RYR3: variants seen among roughly 807,000 people sequenced by gnomAD.
The protein encoded by RYR3 is brain ryanodine receptor-calcium release channel.
A neutral mutation model predicts 584.3 loss-of-function variants in RYR3; 207 were observed. That is an observed-to-expected ratio of 0.35 (90% confidence interval 0.32 to 0.40). The LOEUF is 0.40. RYR3 is among the 10% of genes least tolerant of loss of function. The probability of loss-of-function intolerance (pLI) is 1.00; values close to 1 mark genes in which losing one functional copy is unlikely to be tolerated. For missense variants in RYR3, 5,616 were observed against 6,089.2 expected (o/e 0.92, Z 2.59); for synonymous variants, 2,416 against 2,248.5 (o/e 1.07, Z -2.11).
chr15:33,798,732 T>C (rs1203711672), intron 67 of RYR3, among the ~76,000 whole-genome samples: 2 of 152,204 alleles, frequency 1.3e-5, no homozygotes, highest in East Asian at 3.8e-4. Context: ...GAATGAATAT[T>C]GAGTAGACAA....
chr15:33,731,459 A>G lies in RYR3; in HGVS notation c.7204-15A>G, dbSNP rs552589552. On this transcript the variant is annotated splice_polypyrimidine_tract_variant and intron_variant, in intron 47 of 103. Coordinates refer to ENST00000634891, the MANE Select transcript of RYR3 (RefSeq NM_001036.6). The stretch of plus-strand genomic sequence containing the variant: ...CTCAGGGCAATTAACCTGTGTCCCA[A>G]TCTTCTTTCTCTAGGTTTCCCTAAG... The G allele has an allele frequency of 1.4e-5, 22 of 1,590,956 alleles. No individual in the cohort carries two copies. In the Admixed American group the frequency reaches 1.4e-4, roughly 10 times the overall value.
intron 103 of RYR3, 168 bp from the exon 104 acceptor site, chr15:33,864,963 C>T (rs1460143007): frequency 1.8e-6 from 1 of 557,872 alleles, no homozygotes; most frequent in Non-Finnish European, 3.2e-6. Context: ...TGGCTTCTTG[C>T]TTCCCAAACA....
chr15:33,605,469 A>G (rs1279375775), intron 18 of RYR3, among the ~76,000 whole-genome samples: 1 of 152,180 alleles, frequency 6.6e-6, no homozygotes, highest in Non-Finnish European at 1.5e-5. Flanking sequence ...AAGGCTGGTG[A>G]CTCAGCTTTT....
chr15:33,740,770 C>T (rs2070012858), intron 51 of RYR3, among the ~76,000 whole-genome samples: 1 of 152,200 alleles, frequency 6.6e-6, no homozygotes, highest in Non-Finnish European at 1.5e-5. Flanking sequence ...ACCTGTCCTT[C>T]ATGGCAGTAG....
chr15:33,435,516 G>C (rs868652632), intron 1 of RYR3, among the ~76,000 whole-genome samples: 4 of 152,108 alleles, frequency 2.6e-5, no homozygotes, highest in African/African-American at 2.4e-5. Context: ...TCTTATACTT[G>C]TGTGAGAATT....
At chr15:33,735,633 C>G (rs1478109578) in intron 48 of RYR3, among the ~76,000 whole-genome samples, 1 of 152,172 alleles carries the variant, frequency 6.6e-6, no homozygotes, top group Non-Finnish European at 1.5e-5. Flanking sequence ...TCTCCTTTCT[C>G]TACCTCAAAA....
chr15:33,476,634 T>C (rs2049403661), intron 2 of RYR3, among the ~76,000 whole-genome samples: 1 of 152,206 alleles, frequency 6.6e-6, no homozygotes, highest in African/African-American at 2.4e-5. Flanking sequence ...TATGGTTTTC[T>C]TGGTTTATTT....
intron 60 of RYR3, among the ~76,000 whole-genome samples, chr15:33,760,042 C>G (rs973147863): frequency 6.6e-6 from 1 of 152,180 alleles, no homozygotes; most frequent in African/African-American, 2.4e-5. Flanking sequence ...AACTAAGCTT[C>G]ATAACTGAAG....
At chr15:33,341,432 G>C (rs149826615) in intron 1 of RYR3, among the ~76,000 whole-genome samples, 1 of 152,250 alleles carries the variant, frequency 6.6e-6, no homozygotes, top group East Asian at 1.9e-4. Flanking sequence ...CACTGGAATA[G>C]AATGATCTAC....
intron 2 of RYR3, among the ~76,000 whole-genome samples, chr15:33,491,743 G>T (rs1324060007): frequency 6.6e-6 from 1 of 152,102 alleles, no homozygotes; most frequent in Non-Finnish European, 1.5e-5. Context: ...TGTGAACTTG[G>T]ATGGTTGGAC....
intron 1 of RYR3, among the ~76,000 whole-genome samples, chr15:33,385,694 TTTTTCTTTTTC>T (rs1567139114): frequency 1.1e-5 from 1 of 91,374 alleles, no homozygotes; most frequent in African/African-American, 4.0e-5. Flanking sequence ...CTTTTCTTTT[TTTTTCTTTTTC>T]TTTTCTTTTT....
intron 94 of RYR3, chr15:33,851,484 G>A (rs1241051309): frequency 6.6e-6 from 1 of 152,090 alleles, no homozygotes; most frequent in African/African-American, 2.4e-5. Flanking sequence ...ATGTACAGAT[G>A]TACTCTTTAT....
intron 12 of RYR3, among the ~76,000 whole-genome samples, chr15:33,579,381 G>A (rs1003973246): frequency 8.5e-5 from 13 of 152,272 alleles, no homozygotes; most frequent in African/African-American, 1.4e-4. Flanking sequence ...GGGTGCAAGA[G>A]GAGAGACAAA....
At chr15:33,464,759 C>T (rs1194523670) in intron 1 of RYR3, among the ~76,000 whole-genome samples, 1 of 151,764 alleles carries the variant, frequency 6.6e-6, no homozygotes, top group Non-Finnish European at 1.5e-5. Flanking sequence ...ACTGAAGCTC[C>T]ATCCTTTTAG....
intron 9 of RYR3, among the ~76,000 whole-genome samples, chr15:33,549,901 C>T (rs1425388687): frequency 1.3e-5 from 2 of 152,092 alleles, no homozygotes. Flanking sequence ...AAATTGGAAA[C>T]CTGGGACTTC....
chr15:33,612,228 T>C (rs987285744), intron 18 of RYR3, among the ~76,000 whole-genome samples: 1 of 152,212 alleles, frequency 6.6e-6, no homozygotes, highest in Admixed American at 6.5e-5. Context: ...CAGGAAATAA[T>C]AAATCATCTA....
intron 22 of RYR3, 142 bp downstream of exon 22, chr15:33,630,185 C>G (rs1222247524): frequency 3.4e-6 from 2 of 585,338 alleles, no homozygotes; most frequent in Non-Finnish European, 6.0e-6. Flanking sequence ...AATCATGTCA[C>G]AAGAGGATTT....
At chr15:33,443,529 G>A (rs890793098) in intron 1 of RYR3, among the ~76,000 whole-genome samples, 4 of 152,058 alleles carry the variant, frequency 2.6e-5, no homozygotes, top group Non-Finnish European at 4.4e-5. Context: ...CTTTCCACCC[G>A]AGAAATTAGA....
intron 1 of RYR3, among the ~76,000 whole-genome samples, chr15:33,395,802 T>G (rs1466617779): frequency 6.6e-6 from 1 of 152,234 alleles, no homozygotes; most frequent in Non-Finnish European, 1.5e-5. Context: ...TGACTTCACT[T>G]AGCCCTCTGT....
Sources: gnomAD v4.1 joint callset for allele counts (sites outside exome capture counted in the v4.1 genomes callset) on GRCh38, gnomAD v4.1.1 for gene constraint, MANE v1.5 for transcripts, NCBI Gene and HGNC (gene_info 2026-07-23, HGNC 2026-07-21) for gene names.